Variants in LRRFIP2 observed in about 807,000 individuals in gnomAD.
LRRFIP2 encodes leucine-rich repeat flightless-interacting protein 2.
LRRFIP2 carries 109 observed loss-of-function variants against 125.9 expected under a neutral mutation model. The ratio of observed to expected loss-of-function variants is 0.87; its 90% CI spans 0.74 to 1.01. The LOEUF is 1.01. Among genes scored for constraint, LRRFIP2 ranks in the 50% least tolerant of loss-of-function variants. LRRFIP2 has a pLI of 0.00. For synonymous variants in LRRFIP2, 291 were observed against 293.1 expected (o/e 0.99, Z 0.07); for missense variants, 850 against 862.3 (o/e 0.99, Z 0.18).
intron 15 of LRRFIP2, 62 bp from the exon 16 acceptor site, chr3:37,096,722 G>GA: frequency 2.3e-6 from 2 of 867,626 alleles, no homozygotes; most frequent in Non-Finnish European, 3.6e-6. Context: ...TTTTTGGGAG[G>GA]AAAAAAGTGA....
At chr3:37,071,768 C>T (rs899267555) in intron 21 of LRRFIP2, among the ~76,000 whole-genome samples, 1 of 152,184 alleles carries the variant, frequency 6.6e-6, no homozygotes, top group African/African-American at 2.4e-5. Flanking sequence ...CTGCCCTTCC[C>T]TGACAAGGTA....
upstream of LRRFIP2, chr3:37,175,991 G>A (rs2096657763): frequency 6.6e-6 from 1 of 152,214 alleles, no homozygotes; most frequent in African/African-American, 2.4e-5. Flanking sequence ...GGACTGCGGA[G>A]GCCGGGAAAA....
At chr3:37,101,352 GTCTCAAAA>G (rs2094031968) in intron 15 of LRRFIP2, among the ~76,000 whole-genome samples, 1 of 125,458 alleles carries the variant, frequency 8.0e-6, no homozygotes, top group Admixed American at 8.3e-5. Flanking sequence ...GTGAGACTCC[GTCTCAAAA>G]AAAAAAAAAA....
chr3:37,105,397 T>A (rs2094267610), intron 14 of LRRFIP2, 58 bp downstream of exon 14: 1 of 1,345,068 alleles, frequency 7.4e-7, no homozygotes, highest in African/African-American at 1.4e-5. Flanking sequence ...CTTCATGTGA[T>A]CATGCATTGC....
At position 37,091,261 on chromosome 3, in the gene LRRFIP2, G is replaced by A. The variant is rs151035663; in HGVS notation, c.1107+206C>T. 4.0e-3 allele frequency among the ~76,000 whole-genome samples: 612 copies of A among 152,022 alleles called. 3 individuals carry two copies. The highest frequency in any genetic ancestry group is 0.014 in the African/African-American group (572 of 41,516). Reference sequence around the variant, plus strand: ...AAAAACTGTAAATGATATCTTCTGCGGAATATTCAAAAACTGTACTACACA... The same window carrying A: ...AAAAACTGTAAATGATATCTTCTGCAGAATATTCAAAAACTGTACTACACA... On this transcript the variant is annotated intron_variant, in intron 18 of 27. Transcript: ENST00000336686.
intron 6 of LRRFIP2, among the ~76,000 whole-genome samples, chr3:37,118,921 G>A (rs1311283064): frequency 6.6e-6 from 1 of 152,146 alleles, no homozygotes; most frequent in African/African-American, 2.4e-5. Context: ...ATCTACAGAG[G>A]ACAAAAGTTG....
chr3:37,063,824 A>G (rs756103992), intron 23 of LRRFIP2, 33 bp from the exon 24 acceptor site: 1 of 1,502,236 alleles, frequency 6.7e-7, no homozygotes, highest in Non-Finnish European at 9.3e-7. Flanking sequence ...TAAACTAAAT[A>G]TGTGATGATA....
intron 4 of LRRFIP2, among the ~76,000 whole-genome samples, chr3:37,126,179 G>A (rs563439200): frequency 1.1e-4 from 16 of 152,186 alleles, no homozygotes; most frequent in Middle Eastern, 3.4e-3. Context: ...ACAGGCGCCC[G>A]CCAGCGTGCC....
intron 4 of LRRFIP2, among the ~76,000 whole-genome samples, chr3:37,122,980 A>T (rs1325495972): frequency 1.3e-5 from 2 of 152,238 alleles, no homozygotes; most frequent in African/African-American, 4.8e-5. Flanking sequence ...TACATTACTG[A>T]CCAACTGGGT....
At chr3:37,106,998 G>A (rs996449902) in intron 13 of LRRFIP2, among the ~76,000 whole-genome samples, 3 of 150,322 alleles carry the variant, frequency 2.0e-5, no homozygotes, top group Non-Finnish European at 2.9e-5. Context: ...TCCACCTCCC[G>A]GGTTCAAGCA....
intron 2 of LRRFIP2, chr3:37,143,727 T>G (rs1342379742): frequency 6.0e-6 from 1 of 166,870 alleles, no homozygotes; most frequent in Non-Finnish European, 1.3e-5. Context: ...CTATCTCTGA[T>G]GTTAGGGTAC....
intron 19 of LRRFIP2, among the ~76,000 whole-genome samples, 163 bp downstream of exon 19, chr3:37,083,473 G>C (rs1052990648): frequency 2.6e-5 from 4 of 152,106 alleles, no homozygotes; most frequent in African/African-American, 9.7e-5. Flanking sequence ...TAAAAAAAGA[G>C]TCATCCAGGG....
chr3:37,118,026 A>G (rs2094872821), intron 6 of LRRFIP2, among the ~76,000 whole-genome samples: 2 of 152,318 alleles, frequency 1.3e-5, no homozygotes, highest in South Asian at 4.1e-4. Flanking sequence ...AACTAAATAC[A>G]TGCAACAGTA....
chr3:37,109,728 A>G (rs1331581115), intron 9 of LRRFIP2, 25 bp from the exon 10 acceptor site: 3 of 1,607,796 alleles, frequency 1.9e-6, no homozygotes, highest in East Asian at 4.5e-5. Flanking sequence ...CAAAATAAAT[A>G]AGCAAAAACA....
chr3:37,171,465 T>C (rs2150423345), intron 1 of LRRFIP2, among the ~76,000 whole-genome samples: 1 of 152,096 alleles, frequency 6.6e-6, no homozygotes, highest in South Asian at 2.1e-4. Context: ...TTCTCTCTAG[T>C]GTCTCTCTCA....
rs149659877 is a variant in LRRFIP2, at chr3:37,083,674, T to A, written c.1240A>T (p.Met414Leu). 3.0e-4 allele frequency: 476 copies of A among 1,573,316 alleles called. 1 individual carries two copies. The African/African-American group carries it at 6.1e-3, about 20-fold the overall frequency. ...KDVIEEQEEQMAEFYRENEEK... is the reference protein window; with the variant it reads ...KDVIEEQEEQLAEFYRENEEK... ...TCATTTTCTCTATAAAATTCTGCCATCTGTTCCTCCTGCTCTTCAATAACA... is the reference window on the plus strand; with the variant it reads ...TCATTTTCTCTATAAAATTCTGCCAACTGTTCCTCCTGCTCTTCAATAACA... Residue 414 changes from methionine (M) to leucine (L), a missense_variant, in exon 19 of 28, where the codon ATG becomes TTG. Coordinates refer to ENST00000336686, the MANE Select transcript of LRRFIP2 (RefSeq NM_006309.4).
chr3:37,054,654 C>G, intron 26 of LRRFIP2, 139 bp from the exon 27 acceptor site: 1 of 625,618 alleles, frequency 1.6e-6, no homozygotes, highest in Non-Finnish European at 2.8e-6. Flanking sequence ...CATAAGTCCT[C>G]TCAGAACTCA....
At chr3:37,081,977 G>C (rs2149031074) in intron 19 of LRRFIP2, among the ~76,000 whole-genome samples, 1 of 151,796 alleles carries the variant, frequency 6.6e-6, no homozygotes, top group African/African-American at 2.4e-5. Flanking sequence ...AAATGATGGA[G>C]GGAAAAACTA....
intron 23 of LRRFIP2, chr3:37,064,113 C>T (rs1395036036): frequency 7.0e-6 from 2 of 285,274 alleles, no homozygotes; most frequent in Non-Finnish European, 1.3e-5. Context: ...AGACAGACAA[C>T]TCAAATGTCA....
Sources: allele counts gnomAD v4.1 joint callset (sites outside exome capture counted in the v4.1 genomes callset), GRCh38; gene constraint gnomAD v4.1.1; transcripts MANE v1.5; gene names NCBI Gene and HGNC (gene_info 2026-07-23, HGNC 2026-07-21).